The following CENPP variants were observed in gnomAD, a reference collection of about 807,000 sequenced individuals.
The protein encoded by CENPP is centromere protein P.
CENPP carries 24 observed loss-of-function variants against 35.6 expected under a neutral mutation model. The observed-to-expected ratio is 0.67, with a 90% confidence interval of 0.49 to 0.95. The LOEUF is 0.95. Ranked by LOEUF, CENPP falls within the 40% of genes least tolerant of loss-of-function variation. The pLI is 0.00. For missense variants in CENPP, 332 were observed against 345.3 expected (o/e 0.96, Z 0.31); for synonymous variants, 120 against 125.5 (o/e 0.96, Z 0.29).
intron 3 of CENPP, among the ~76,000 whole-genome samples, chr9:92,340,793 A>G (rs1166493363): frequency 6.6e-6 from 1 of 152,176 alleles, no homozygotes; most frequent in Middle Eastern, 3.2e-3. Flanking sequence ...AGGACCCTGT[A>G]ATAATTGCAT....
intron 5 of CENPP, among the ~76,000 whole-genome samples, chr9:92,571,705 G>C (rs1187769325): frequency 2.0e-5 from 3 of 152,150 alleles, no homozygotes; most frequent in Non-Finnish European, 2.9e-5. Flanking sequence ...TTATTATTCT[G>C]TGGGAGTCTA....
chr9:92,562,794 T>C (rs1250889260), intron 5 of CENPP, among the ~76,000 whole-genome samples: 1 of 152,136 alleles, frequency 6.6e-6, no homozygotes, highest in Non-Finnish European at 1.5e-5. Context: ...GTGACCACAA[T>C]ATTTACAAAA....
chr9:92,340,815 A>G (rs1159689135), intron 3 of CENPP, among the ~76,000 whole-genome samples: 1 of 152,142 alleles, frequency 6.6e-6, no homozygotes, highest in Non-Finnish European at 1.5e-5. Context: ...AACTGCACAA[A>G]TTGTACAGCA....
At chr9:92,597,863 A>G (rs1168062397) in intron 5 of CENPP, among the ~76,000 whole-genome samples, 1 of 152,174 alleles carries the variant, frequency 6.6e-6, no homozygotes. Context: ...TCTTAATGGG[A>G]AGTCAGTTTT....
intron 5 of CENPP, among the ~76,000 whole-genome samples, chr9:92,533,303 CAAAAA>C (rs1174584000): frequency 0.019 from 549 of 29,600 alleles, 1 homozygote; most frequent in South Asian, 0.088. Flanking sequence ...CGGTCTCAAA[CAAAAA>C]AAAAAAAAAA....
At chr9:92,395,858 A>G (rs887945714) in intron 5 of CENPP, among the ~76,000 whole-genome samples, 1 of 151,246 alleles carries the variant, frequency 6.6e-6, no homozygotes, top group Middle Eastern at 3.4e-3. Context: ...CCTTTTGGAA[A>G]TGAAACATTT....
intron 5 of CENPP, among the ~76,000 whole-genome samples, chr9:92,423,442 C>T (rs961748122): frequency 6.6e-6 from 1 of 152,004 alleles, no homozygotes; most frequent in African/African-American, 2.4e-5. Context: ...AAATCCTCAA[C>T]ATTTTATTAT....
chr9:92,396,394 T>C (rs1842891954), intron 5 of CENPP, among the ~76,000 whole-genome samples: 1 of 151,988 alleles, frequency 6.6e-6, no homozygotes, highest in Middle Eastern at 3.2e-3. Context: ...AAAAAACCTA[T>C]TAGGATTTTG....
At chr9:92,469,938 G>A (rs1302678920) in intron 5 of CENPP, among the ~76,000 whole-genome samples, 2 of 152,192 alleles carry the variant, frequency 1.3e-5, no homozygotes, top group Non-Finnish European at 2.9e-5. Context: ...CATAGTCACA[G>A]CTCACTGCAA....
At chr9:92,532,578 T>G (rs1312288927) in intron 5 of CENPP, among the ~76,000 whole-genome samples, 1 of 152,174 alleles carries the variant, frequency 6.6e-6, no homozygotes, top group Non-Finnish European at 1.5e-5. Flanking sequence ...GAACTGATCT[T>G]CCAGTTCATT....
At chr9:92,508,038 A>G (rs1395976054) in intron 5 of CENPP, among the ~76,000 whole-genome samples, 17 of 152,036 alleles carry the variant, frequency 1.1e-4, no homozygotes. Flanking sequence ...TGGAGCTATA[A>G]TCTGAAAGGT....
intron 5 of CENPP, among the ~76,000 whole-genome samples, chr9:92,599,413 G>C (rs987150266): frequency 9.9e-5 from 15 of 151,652 alleles, no homozygotes; most frequent in Non-Finnish European, 2.1e-4. Flanking sequence ...TGTTTTGTTT[G>C]TTTTTGTTTT....
chr9:92,404,628 C>G, intron 5 of CENPP: 1 of 1,281,274 alleles, frequency 7.8e-7, no homozygotes, highest in African/African-American at 1.6e-5. Flanking sequence ...TTTCAGGGCC[C>G]AGCAGCTTTA....
chr9:92,383,151 G>A (rs943862900), intron 5 of CENPP, among the ~76,000 whole-genome samples: 1 of 152,070 alleles, frequency 6.6e-6, no homozygotes, highest in Non-Finnish European at 1.5e-5. Flanking sequence ...ACCCGCCTCA[G>A]CCTCACAAAG....
intron 5 of CENPP, among the ~76,000 whole-genome samples, chr9:92,543,567 G>C (rs1203330971): frequency 1.5e-5 from 2 of 135,664 alleles, no homozygotes; most frequent in Non-Finnish European, 3.1e-5. Context: ...TTCTGTTTCT[G>C]TTAAGAATGA....
At chr9:92,534,792 C>G (rs920946794) in intron 5 of CENPP, among the ~76,000 whole-genome samples, 5 of 152,134 alleles carry the variant, frequency 3.3e-5, no homozygotes, top group Admixed American at 1.3e-4. Flanking sequence ...GGCAAGTGTG[C>G]TCTGATGGAT....
intron 5 of CENPP, among the ~76,000 whole-genome samples, chr9:92,381,702 T>C (rs1421983363): frequency 6.6e-6 from 1 of 152,216 alleles, no homozygotes; most frequent in African/African-American, 2.4e-5. Flanking sequence ...TGTACTGATA[T>C]CTGTTTGCAC....
chr9:92,373,497 C>G (rs1842055355), intron 4 of CENPP, among the ~76,000 whole-genome samples: 1 of 151,834 alleles, frequency 6.6e-6, no homozygotes, highest in Admixed American at 6.6e-5. Context: ...TATTGTTTTT[C>G]TGAATTCTCT....
intron 5 of CENPP, chr9:92,457,061 C>G (rs572792291): frequency 3.4e-4 from 441 of 1,303,174 alleles, no homozygotes; most frequent in Non-Finnish European, 4.2e-4. Flanking sequence ...ATCATTTGTA[C>G]GCAAAAAGAA....
Sources: gnomAD v4.1 joint callset for allele counts (sites outside exome capture counted in the v4.1 genomes callset) on GRCh38, gnomAD v4.1.1 for gene constraint, MANE v1.5 for transcripts, NCBI Gene and HGNC (gene_info 2026-07-23, HGNC 2026-07-21) for gene names.